The following PPP4R3C variants were observed in gnomAD, a reference collection of about 807,000 sequenced individuals.
The protein encoded by PPP4R3C is protein phosphatase 4 regulatory subunit 3C.
For missense variants in PPP4R3C, 372 were observed against 237.3 expected (o/e 1.57, Z -3.73); for synonymous variants, 150 against 86.5 (o/e 1.73, Z -4.07).
At position 27,461,185 on chromosome X, in the gene PPP4R3C, C is replaced by G. The variant is rs1246513056; in HGVS notation, c.2112G>C (p.Met704Ile). Residue 704 changes from methionine to isoleucine, a missense_variant, in exon 1 of 1, where the codon ATG becomes ATC. Physicochemically the swap from Met to Ile is conservative, Grantham distance 10. Coordinates refer to ENST00000412172, the MANE Select transcript of PPP4R3C (RefSeq NM_207319.4). The part of the protein sequence containing the change: ...MPPLEDDDEF[M>I]ETKRTQEGEA... ...CTCCTTCTTGGGTTCTTTTGGTCTC[C>G]ATAAATTCATCGTCATCTTCCAGTG... 2.0e-6 allele frequency: 1 copy of G among 510,129 alleles called. No individual in the cohort carries two copies. The highest frequency in any genetic ancestry group is 2.3e-5 in the African/African-American group (1 of 42,805). 42.0% of individuals were successfully genotyped at this position (510,129 alleles called of 1,213,427 possible).
chrX:27,463,173 C>T lies in PPP4R3C; in HGVS notation c.124G>A (p.Val42Ile), dbSNP rs772153687. ...DEQFQGMSLL[V>I]RSDSDGSVIL... The stretch of plus-strand genomic sequence containing the variant: ...ACCGACCCATCTGAATCTGACCGAA[C>T]AAGCAGCGACATGCCCTGGAACTGC... The change falls in exon 1 of 1, where the codon GTT becomes ATT. Residue 42 changes from valine (V) to isoleucine (I), a missense_variant. Physicochemically the swap from Val to Ile is conservative, Grantham distance 29. Transcript: ENST00000412172. The T allele has an allele frequency of 4.6e-4, 236 of 512,745 alleles. No homozygotes were observed. The highest frequency in any genetic ancestry group is 4.2e-3 in the African/African-American group (183 of 43,102). 42.3% of individuals were successfully genotyped at this position (512,745 alleles called of 1,213,427 possible). A position where few individuals can be genotyped will look rare whatever the true frequency, so the allele number is the denominator to read the frequency against.
rs780167497 is a variant in PPP4R3C at position 27,462,699 on chromosome X, C to T, written c.598G>A (p.Gly200Arg). Residue 200 changes from glycine (G) to arginine (R), a missense_variant, in exon 1 of 1, where the codon GGA (glycine) becomes AGA (arginine). Coordinates refer to ENST00000412172, the MANE Select transcript of PPP4R3C (RefSeq NM_207319.4). ...GLHHLYEIIK[G>R]ILFLNEACLF... ...CATGCCTCGTTGAGGAACAAAATTC[C>T]CTTAATAATTTCATACAAATGGTGT... 5.6e-6 allele frequency: 3 copies of T among 536,342 alleles called. No individual in the cohort carries two copies. Among genetic ancestry groups the T allele is most frequent in the Non-Finnish European group, 1.0e-5 (3 of 297,262 alleles). The allele number at this position is 536,342 out of a possible 1,213,427, so 44.2% of individuals were successfully genotyped here. A position where few individuals can be genotyped will look rare whatever the true frequency, so the allele number is the denominator to read the frequency against.
At position 27,461,078 on chromosome X, in the gene PPP4R3C, G is replaced by C. The variant is rs1015571681; in HGVS notation, c.2219C>G (p.Pro740Arg). 6 of 511,440 alleles carry C rather than the reference G, an allele frequency of 1.2e-5. No homozygotes were observed. Among genetic ancestry groups the C allele is most frequent in the Middle Eastern group, 3.1e-4 (1 of 3,222 alleles). 42.1% of individuals were successfully genotyped at this position (511,440 alleles called of 1,213,427 possible). A position where few individuals can be genotyped will look rare whatever the true frequency, so the allele number is the denominator to read the frequency against. Residue 740 changes from proline (P) to arginine (R), a missense_variant, in exon 1 of 1, where the codon CCA (proline) becomes CGA (arginine). Coordinates refer to ENST00000412172, the MANE Select transcript of PPP4R3C (RefSeq NM_207319.4). ...RTHQEGEAVM[P>R]PLEDDDEFME... ...AAATTCATCGTCATCTTCCAGTGGT[G>C]GCATAACTGCTTCTCCTTCTTGGTG...
In PPP4R3C at chrX:27,461,828, T is replaced by G. The variant is rs1164900552; in HGVS notation, c.1469A>C (p.Asp490Ala). The G allele has an allele frequency of 5.8e-6, 3 of 515,522 alleles. No homozygotes were observed. The highest frequency in any genetic ancestry group is 1.0e-5 in the Non-Finnish European group (3 of 287,094). 42.5% of individuals were successfully genotyped at this position (515,522 alleles called of 1,213,427 possible). Residue 490 changes from aspartate to alanine, a missense_variant, in exon 1 of 1, where the codon GAT becomes GCT. By Grantham distance (126) the Asp-to-Ala change is moderately radical. Transcript: ENST00000412172. Reference sequence around the variant, plus strand: ...GCTTTTGTCATATCCAGCTATATCATCCTCCTCACAGTTGTGTTCTGAGGT... The same window carrying G: ...GCTTTTGTCATATCCAGCTATATCAGCCTCCTCACAGTTGTGTTCTGAGGT... The part of the protein sequence containing the change: ...AATSEHNCEE[D>A]DIAGYDKSKN...
In PPP4R3C at chrX:27,463,067, T is replaced by G. The variant is rs1301072826; in HGVS notation, c.230A>C (p.Asn77Thr). 2.0e-6 allele frequency: 1 copy of G among 512,743 alleles called. No individual in the cohort carries two copies. The highest frequency in any genetic ancestry group is 3.5e-6 in the Non-Finnish European group (1 of 286,650). The allele number at this position is 512,743 out of a possible 1,213,427, so 42.3% of individuals were successfully genotyped here. Residue 77 changes from asparagine to threonine, a missense_variant, in exon 1 of 1, where the codon AAC (asparagine) becomes ACC (threonine). Physicochemically the swap from Asn to Thr is moderately conservative, Grantham distance 65. Coordinates refer to ENST00000412172, the MANE Select transcript of PPP4R3C (RefSeq NM_207319.4). ...CTGGAATTTTAGCACCAAACCCTGG[T>G]TCTCAGCTTCATACCAAACAATTAG... is the stretch of plus-strand genomic sequence containing the variant. ...ETLIVWYEAE[N>T]QGLVLKFQDP...
chrX:27,461,078 G>A lies in PPP4R3C; in HGVS notation c.2219C>T (p.Pro740Leu). The change falls in exon 1 of 1, where the codon CCA (proline) becomes CTA (leucine). Residue 740 changes from proline to leucine, a missense_variant. Pro to Leu is a moderately conservative substitution (Grantham distance 98). Coordinates refer to ENST00000412172, the MANE Select transcript of PPP4R3C (RefSeq NM_207319.4). ...RTHQEGEAVMPPLEDDDEFME... is the reference protein window; with the variant it reads ...RTHQEGEAVMLPLEDDDEFME... ...AAATTCATCGTCATCTTCCAGTGGT[G>A]GCATAACTGCTTCTCCTTCTTGGTG... 1 of 514,025 alleles carries A rather than the reference G, an allele frequency of 1.9e-6. No homozygotes were observed. The highest frequency in any genetic ancestry group is 3.6e-5 in the East Asian group (1 of 27,681). 42.4% of individuals were successfully genotyped at this position (514,025 alleles called of 1,213,427 possible). A position where few individuals can be genotyped will look rare whatever the true frequency, so the allele number is the denominator to read the frequency against.
At position 27,461,826 on chromosome X, in the gene PPP4R3C, C is replaced by T. The variant is rs1423348159; in HGVS notation, c.1471G>A (p.Asp491Asn). ...TTGCTTTTGTCATATCCAGCTATAT[C>T]ATCCTCCTCACAGTTGTGTTCTGAG... ...ATSEHNCEED[D>N]IAGYDKSKNC... The change falls in exon 1 of 1, where the codon GAT becomes AAT. Residue 491 changes from aspartate to asparagine, a missense_variant. Transcript: ENST00000412172. 1.9e-6 allele frequency: 1 copy of T among 515,439 alleles called. No individual in the cohort carries two copies. The highest frequency in any genetic ancestry group is 3.5e-6 in the Non-Finnish European group (1 of 287,066). The allele number at this position is 515,439 out of a possible 1,213,427, so 42.5% of individuals were successfully genotyped here. A position where few individuals can be genotyped will look rare whatever the true frequency, so the allele number is the denominator to read the frequency against.
rs1034615369 is a variant in PPP4R3C at position 27,463,139 on chromosome X, C to A, written c.158G>T (p.Arg53Leu). 1 of 514,614 alleles carries A rather than the reference C, an allele frequency of 1.9e-6. No homozygotes were observed. The highest frequency in any genetic ancestry group is 2.6e-5 in the Admixed American group (1 of 37,841). 42.4% of individuals were successfully genotyped at this position (514,614 alleles called of 1,213,427 possible). The part of the protein sequence containing the change: ...RSDSDGSVIL[R>L]SQIPPDRPYG... ...GGGCCTGTCTGGAGGTATCTGTGAC[C>A]GCAGGATGACCGACCCATCTGAATC... Residue 53 changes from arginine to leucine, a missense_variant, in exon 1 of 1, where the codon CGG becomes CTG. Arg to Leu is a moderately radical substitution (Grantham distance 102). Transcript: ENST00000412172.
chrX:27,461,712 T>G lies in PPP4R3C; in HGVS notation c.1585A>C (p.Ile529Leu), dbSNP rs192460084. Residue 529 changes from isoleucine to leucine, a missense_variant, in exon 1 of 1, where the codon ATA becomes CTA. Physicochemically the swap from Ile to Leu is conservative, Grantham distance 5 (BLOSUM62 2). Coordinates refer to ENST00000412172, the MANE Select transcript of PPP4R3C (RefSeq NM_207319.4). ...TFCIQHHTFY[I>L]RSYILNKDLL... ...TCTTTGTTCAAGATATAGCTTCTTA[T>G]GTAGAATGTATGATGTTGTATACAA... 1.4e-5 allele frequency: 7 copies of G among 513,688 alleles called. No homozygotes were observed. Among genetic ancestry groups the G allele is most frequent in the Non-Finnish European group, 2.4e-5 (7 of 286,826 alleles). The allele number at this position is 513,688 out of a possible 1,213,427, so 42.3% of individuals were successfully genotyped here.
rs1158046554 is a variant in PPP4R3C, at chrX:27,461,134, A to C, written c.2163T>G (p.Asp721Glu). 8 of 499,628 alleles carry C rather than the reference A, an allele frequency of 1.6e-5. No homozygotes were observed. The highest frequency in any genetic ancestry group is 2.8e-5 in the Admixed American group (1 of 36,232). 41.2% of individuals were successfully genotyped at this position (499,628 alleles called of 1,213,427 possible). ...EGEAVMPPLE[D>E]DDKFTETKRT... ...TTTTGGTCTCCGTAAATTTATCGTCATCTTCCAGTGGTGGCATAACTGCTT... is the reference window on the plus strand; with the variant it reads ...TTTTGGTCTCCGTAAATTTATCGTCCTCTTCCAGTGGTGGCATAACTGCTT... Residue 721 changes from aspartate (D) to glutamate (E), a missense_variant, in exon 1 of 1, where the codon GAT (aspartate) becomes GAG (glutamate). Asp to Glu is a conservative substitution (Grantham distance 45). Transcript: ENST00000412172.
chrX:27,463,043 T>A lies in PPP4R3C; in HGVS notation c.254A>T (p.Gln85Leu), dbSNP rs1569128313. Reference protein sequence around the residue: ...AENQGLVLKFQDPAGCQDIWK... With the variant: ...AENQGLVLKFLDPAGCQDIWK... ...AATATCCTGGCAGCCGGCTGGGTCCTGGAATTTTAGCACCAAACCCTGGTT... is the reference window on the plus strand; with the variant it reads ...AATATCCTGGCAGCCGGCTGGGTCCAGGAATTTTAGCACCAAACCCTGGTT... The change falls in exon 1 of 1, where the codon CAG (glutamine) becomes CTG (leucine). Residue 85 changes from glutamine (Q) to leucine (L), a missense_variant. Transcript: ENST00000412172. 1 of 515,216 alleles carries A rather than the reference T, an allele frequency of 1.9e-6. No individual in the cohort carries two copies. Among genetic ancestry groups the A allele is most frequent in the Admixed American group, 2.6e-5 (1 of 37,913 alleles). The allele number at this position is 515,216 out of a possible 1,213,427, so 42.5% of individuals were successfully genotyped here.
rs991686203 is a variant in PPP4R3C at position 27,460,698 on chromosome X, A to AT, written c.*99dup. The AT allele has an allele frequency of 1.2e-5, 5 of 416,160 alleles. No homozygotes were observed. The highest frequency in any genetic ancestry group is 1.0e-4 in the African/African-American group (4 of 39,756). The allele number at this position is 416,160 out of a possible 1,213,427, so 34.3% of individuals were successfully genotyped here. A position where few individuals can be genotyped will look rare whatever the true frequency, so the allele number is the denominator to read the frequency against. On this transcript the variant is annotated 3_prime_UTR_variant, in exon 1 of 1. Coordinates refer to ENST00000412172, the MANE Select transcript of PPP4R3C (RefSeq NM_207319.4). ...CTCGTTATATCTGTGATTTATCATT[A>AT]TAAGTTCACATGAAAAAGCTTGTGG...
Position 27,462,003 on chromosome X carries a change from C to G in PPP4R3C, c.1294G>C (p.Gly432Arg), listed in dbSNP as rs1315663177. ...ACTACCATCAAATGAACAGCACCTC[C>G]TAACTCAGGATCAGTATCACAGATC... ...QMICDTDPEL[G>R]GAVHLMVVLH... The change falls in exon 1 of 1, where the codon GGA becomes CGA. Residue 432 changes from glycine (G) to arginine (R), a missense_variant. By Grantham distance (125) the Gly-to-Arg change is moderately radical. Coordinates refer to ENST00000412172, the MANE Select transcript of PPP4R3C (RefSeq NM_207319.4). 1.9e-6 allele frequency: 1 copy of G among 530,826 alleles called. No homozygotes were observed. The allele number at this position is 530,826 out of a possible 1,213,427, so 43.7% of individuals were successfully genotyped here.
In PPP4R3C at chrX:27,460,562, C is replaced by T. The variant is rs759077971; in HGVS notation, c.*236G>A. The T allele has an allele frequency of 1.5e-5, 4 of 263,212 alleles. No individual in the cohort carries two copies. The highest frequency in any genetic ancestry group is 1.2e-4 in the East Asian group (2 of 16,010). The allele number at this position is 263,212 out of a possible 1,213,427, so 21.7% of individuals were successfully genotyped here. On this transcript the variant is annotated 3_prime_UTR_variant, in exon 1 of 1. Transcript: ENST00000412172. ...CCAAAGATGGTTTCCTCCCCCAAAT[C>T]GTGACACAAATTAAGACTTTCTTGC...
chrX:27,460,960 A>G lies in PPP4R3C; in HGVS notation c.2337T>C (p.Ser779=), dbSNP rs1222611763. ...TACCTGTTCCAATAGCAGCACAAGCAGAATAAGATGAAGAGAATTTGAAGT... is the reference window on the plus strand; with the variant it reads ...TACCTGTTCCAATAGCAGCACAAGCGGAATAAGATGAAGAGAATTTGAAGT... ...SGDFKFSSSY[S]ACAAIGTGSP... is the part of the protein sequence containing the mutation. Residue 779 remains serine, a synonymous_variant, in exon 1 of 1, where the codon TCT becomes TCC. Transcript: ENST00000412172. 1.9e-6 allele frequency: 1 copy of G among 515,343 alleles called. No homozygotes were observed. The highest frequency in any genetic ancestry group is 3.5e-6 in the Non-Finnish European group (1 of 287,096). 42.5% of individuals were successfully genotyped at this position (515,343 alleles called of 1,213,427 possible). A position where few individuals can be genotyped will look rare whatever the true frequency, so the allele number is the denominator to read the frequency against.
In PPP4R3C at chrX:27,463,290, C is replaced by T. The variant is rs771484463; in HGVS notation, c.7G>A (p.Gly3Ser). The change falls in exon 1 of 1, where the codon GGC (glycine) becomes AGC (serine). Residue 3 changes from glycine (G) to serine (S), a missense_variant. Physicochemically the swap from Gly to Ser is moderately conservative, Grantham distance 56. Transcript: ENST00000412172. ...TAGACTTTTACACTGTACCTCAGGCCTGCCATAGCGTCCTCTGGCCTCGCC... is the reference window on the plus strand; with the variant it reads ...TAGACTTTTACACTGTACCTCAGGCTTGCCATAGCGTCCTCTGGCCTCGCC... MA[G>S]LRYSVKVYVL... 4 of 509,310 alleles carry T rather than the reference C, an allele frequency of 7.9e-6. No individual in the cohort carries two copies. The highest frequency in any genetic ancestry group is 7.5e-5 in the South Asian group (3 of 39,787). The allele number at this position is 509,310 out of a possible 1,213,427, so 42.0% of individuals were successfully genotyped here.
rs151016097 is a variant in PPP4R3C at position 27,460,809 on chromosome X, G to A, written c.2488C>T (p.Leu830Phe). 4,100 of 502,341 alleles carry A rather than the reference G, an allele frequency of 8.2e-3. 124 individuals are homozygous for A. Among genetic ancestry groups the A allele is most frequent in the African/African-American group, 0.082 (3,455 of 42,349 alleles). The allele number at this position is 502,341 out of a possible 1,213,427, so 41.4% of individuals were successfully genotyped here. ...GCCCCATATAGATTTTAGGAGCTAA[G>A]ATGAGGTTTCTTCTTGGGGGATGTT... ...DETSPKKKPH[L>F]SS The change falls in exon 1 of 1, where the codon CTT becomes TTT. Residue 830 changes from leucine (L) to phenylalanine (F), a missense_variant. Physicochemically the swap from Leu to Phe is conservative, Grantham distance 22. Transcript: ENST00000412172.
chrX:27,461,248 T>A lies in PPP4R3C; in HGVS notation c.2049A>T (p.Ile683=). 1 of 515,440 alleles carries A rather than the reference T, an allele frequency of 1.9e-6. No individual in the cohort carries two copies. The highest frequency in any genetic ancestry group is 3.5e-6 in the Non-Finnish European group (1 of 287,089). 42.5% of individuals were successfully genotyped at this position (515,440 alleles called of 1,213,427 possible). ...CTTCTCCTGCATCTTCCATAAAACA[T>A]ATTTCTTCTTCCAGCCCAATTTCTT... The part of the protein sequence containing the change: ...TIEEIGLEEE[I]CFMEDAGEVV... The change falls in exon 1 of 1, where the codon ATA becomes ATT. Residue 683 remains isoleucine (I), a synonymous_variant. Coordinates refer to ENST00000412172, the MANE Select transcript of PPP4R3C (RefSeq NM_207319.4).
Position 27,462,348 on chromosome X carries a change from A to G in PPP4R3C, c.949T>C (p.Phe317Leu), listed in dbSNP as rs938667911. 26 of 513,628 alleles carry G rather than the reference A, an allele frequency of 5.1e-5. No individual in the cohort carries two copies. The highest frequency in any genetic ancestry group is 8.7e-5 in the Non-Finnish European group (25 of 286,811). 42.3% of individuals were successfully genotyped at this position (513,628 alleles called of 1,213,427 possible). Residue 317 changes from phenylalanine (F) to leucine (L), a missense_variant, in exon 1 of 1, where the codon TTT (phenylalanine) becomes CTT (leucine). Physicochemically the swap from Phe to Leu is conservative, Grantham distance 22 (BLOSUM62 0). Transcript: ENST00000412172. ...GTAGTCTCATCCTTTAACTGTGCAAAAACTTCATACAAAAATTTGTGATCT... is the reference window on the plus strand; with the variant it reads ...GTAGTCTCATCCTTTAACTGTGCAAGAACTTCATACAAAAATTTGTGATCT... ...QKDHKFLYEVFAQLKDETTHD... is the reference protein window; with the variant it reads ...QKDHKFLYEVLAQLKDETTHD...
Sources: gnomAD v4.1 joint callset for allele counts on GRCh38, gnomAD v4.1.1 for gene constraint, MANE v1.5 for transcripts, NCBI Gene and HGNC (gene_info 2026-07-23, HGNC 2026-07-21) for gene names.